MERTK: variants seen among roughly 807,000 people sequenced by gnomAD.
The protein encoded by MERTK is tyrosine-protein kinase Mer.
MERTK carries 69 observed loss-of-function variants against 99.3 expected under a neutral mutation model. The ratio of observed to expected loss-of-function variants is 0.70; its 90% CI spans 0.57 to 0.85. The LOEUF (loss-of-function observed/expected upper bound fraction) is 0.85, where lower values mean the gene tolerates loss of function less well. MERTK is among the 40% of genes least tolerant of loss of function. MERTK has a pLI of 0.00. For missense variants in MERTK, 1,125 were observed against 1,249.4 expected (o/e 0.90, Z 1.50); for synonymous variants, 426 against 467.6 (o/e 0.91, Z 1.15).
rs145515403 is a variant in MERTK, at chr2:111,926,684, G to A, written c.62-2436G>A. 1.0e-3 allele frequency among the ~76,000 whole-genome samples: 159 copies of A among 152,236 alleles called. 1 individual carries two copies. Among genetic ancestry groups the A allele is most frequent in the African/African-American group, 3.4e-3 (140 of 41,542 alleles). On this transcript the variant is annotated intron_variant, in intron 1 of 18. Transcript: ENST00000295408. ...AGAGGTTGCAGAGAACTGAGATTGCGCCACTGCACTCCACTCCAGCCTGGT... is the reference window on the plus strand; with the variant it reads ...AGAGGTTGCAGAGAACTGAGATTGCACCACTGCACTCCACTCCAGCCTGGT...
intron 16 of MERTK, chr2:112,020,497 C>T: frequency 2.2e-6 from 1 of 448,668 alleles, no homozygotes; most frequent in Admixed American, 2.5e-5. Flanking sequence ...CCTTCTCTTC[C>T]TTTTATTCTT....
chr2:111,969,419 G>C lies in MERTK; in HGVS notation c.960+1167G>C, dbSNP rs180852556. Among the ~76,000 whole-genome samples the C allele has an allele frequency of 1.9e-3, 294 of 152,208 alleles. 2 individuals are homozygous for C. The highest frequency in any genetic ancestry group is 7.0e-3 in the African/African-American group (289 of 41,520). On this transcript the variant is annotated intron_variant, in intron 6 of 18. Transcript: ENST00000295408. ...CTAAAAGTATTAATGCATCCTGCCT[G>C]GTACTTAATCATACAGTAGGGTCAG...
intron 18 of MERTK, among the ~76,000 whole-genome samples, chr2:112,026,913 A>G (rs1042579139): frequency 6.6e-6 from 1 of 152,190 alleles, no homozygotes; most frequent in Non-Finnish European, 1.5e-5. Context: ...AATTTATTGC[A>G]TGGGTCAGAT....
intron 18 of MERTK, among the ~76,000 whole-genome samples, chr2:112,025,979 C>T (rs1012358096): frequency 8.5e-5 from 13 of 152,190 alleles, no homozygotes; most frequent in African/African-American, 3.1e-4. Context: ...CAGCCCATGG[C>T]AACCTATATG....
At chr2:112,011,489 T>C (rs1677102989) in intron 15 of MERTK, among the ~76,000 whole-genome samples, 1 of 152,144 alleles carries the variant, frequency 6.6e-6, no homozygotes, top group Non-Finnish European at 1.5e-5. Context: ...CGGTGGCTCA[T>C]GCCTGTAATC....
chr2:111,997,441 G>A lies in MERTK; in HGVS notation c.1569G>A (p.Leu523=). 6.2e-7 allele frequency: 1 copy of A among 1,613,922 alleles called. No individual in the cohort carries two copies. Residue 523 remains leucine, a synonymous_variant, in exon 10 of 19, where the codon TTG becomes TTA. Coordinates refer to ENST00000295408, the MANE Select transcript of MERTK (RefSeq NM_006343.3). ...ILIGLILYIS[L]AIRKRVQETK... ...TTGGGTTGATTTTATACATCTCCTT[G>A]GCCATCAGAAAAAGAGTCCAGGAGA...
At chr2:112,005,739 T>C (rs1255304484) in intron 13 of MERTK, among the ~76,000 whole-genome samples, 5 of 152,230 alleles carry the variant, frequency 3.3e-5, no homozygotes, top group African/African-American at 4.8e-5. Flanking sequence ...TAACCCCTTG[T>C]ACCTATTCAA....
rs1213521173 is a variant in MERTK, at chr2:112,028,742, G to A, written c.2878G>A (p.Glu960Lys). The change falls in exon 19 of 19, where the codon GAG becomes AAG. Residue 960 changes from glutamate (E) to lysine (K), a missense_variant. Coordinates refer to ENST00000295408, the MANE Select transcript of MERTK (RefSeq NM_006343.3). ...TGAAAAGAACAGTGTTTTACCGGGG[G>A]AGAGACTTGTTAGGAATGGGGTCTC... ...TAEKNSVLPG[E>K]RLVRNGVSWS... The A allele has an allele frequency of 6.2e-7, 1 of 1,614,050 alleles. No homozygotes were observed. Among genetic ancestry groups the A allele is most frequent in the African/African-American group, 1.3e-5 (1 of 74,924 alleles).
At chr2:111,909,843 G>T (rs1253842989) in intron 1 of MERTK, among the ~76,000 whole-genome samples, 1 of 151,992 alleles carries the variant, frequency 6.6e-6, no homozygotes, top group East Asian at 1.9e-4. Context: ...GTTCGGTCCG[G>T]GAACACTATG....
At chr2:111,919,070 TCACCTGG>T in intron 1 of MERTK, among the ~76,000 whole-genome samples, 1 of 152,318 alleles carries the variant, frequency 6.6e-6, no homozygotes, top group South Asian at 2.1e-4. Flanking sequence ...TTACACAAGG[TCACCTGG>T]CCTCTACGTG....
At chr2:111,931,523 T>C (rs1029090330) in intron 2 of MERTK, among the ~76,000 whole-genome samples, 1 of 152,022 alleles carries the variant, frequency 6.6e-6, no homozygotes, top group Non-Finnish European at 1.5e-5. Flanking sequence ...CCATCTCTAC[T>C]AAAAATACGA....
intron 15 of MERTK, among the ~76,000 whole-genome samples, chr2:112,010,895 C>CG (rs1411589459): frequency 6.6e-6 from 1 of 152,152 alleles, no homozygotes; most frequent in Non-Finnish European, 1.5e-5. Context: ...AGCGATCCTG[C>CG]GGGGTTCTGG....
intron 1 of MERTK, among the ~76,000 whole-genome samples, chr2:111,914,784 T>A (rs1684319481): frequency 6.6e-6 from 1 of 152,212 alleles, no homozygotes; most frequent in Admixed American, 6.5e-5. Flanking sequence ...TATATATTGG[T>A]GAGTTCTATT....
rs542249578 is a variant in MERTK, at chr2:111,922,727, G to A, written c.62-6393G>A. Among the ~76,000 whole-genome samples the A allele has an allele frequency of 6.6e-5, 10 of 152,330 alleles. No homozygotes were observed. In the South Asian group the frequency reaches 2.1e-3, roughly 32 times the overall value. On this transcript the variant is annotated intron_variant, in intron 1 of 18. Coordinates refer to ENST00000295408, the MANE Select transcript of MERTK (RefSeq NM_006343.3). ...TTCAAAGAAGTTATAGAGCTTTCCT[G>A]AGGCCATACCTTGAGGTGGTGAGGG...
At chr2:112,010,111 T>C (rs370843935) in intron 15 of MERTK, 45 bp downstream of exon 15, 10 of 1,365,182 alleles carry the variant, frequency 7.3e-6, no homozygotes, top group African/African-American at 1.4e-5. Context: ...TCAGGGCTTA[T>C]GTGACTTAGC....
At chr2:111,994,471 A>G in intron 9 of MERTK, 67 bp downstream of exon 9, 3 of 1,592,936 alleles carry the variant, frequency 1.9e-6, no homozygotes, top group Non-Finnish European at 1.7e-6. Flanking sequence ...ATTGCCAGAA[A>G]GTAACCTGGG....
Position 111,957,224 on chromosome 2 carries a change from C to A in MERTK, c.758-7967C>A, listed in dbSNP as rs367887664. Among the ~76,000 whole-genome samples, 6 of 152,230 alleles carry A rather than the reference C, an allele frequency of 3.9e-5. No homozygotes were observed. In the South Asian group the frequency reaches 1.0e-3, roughly 26 times the overall value. ...GTGTGAGCCACTGCGCCCGGCGAGA[C>A]CTGCCTTCTTAAGGTCTATTCTCCA... On this transcript the variant is annotated intron_variant, in intron 4 of 18. Transcript: ENST00000295408.
At position 112,009,928 on chromosome 2, in the gene MERTK, T is replaced by C. The variant is rs1217922085; in HGVS notation, c.1961-20T>C. The C allele has an allele frequency of 6.5e-7, 1 of 1,549,924 alleles. No homozygotes were observed. Among genetic ancestry groups the C allele is most frequent in the Non-Finnish European group, 8.9e-7 (1 of 1,121,972 alleles). ...AGTAACAAGGACTCTTTGTAATTGA[T>C]GCTGTGTTTGTAATTTCAGGTGTGT... On this transcript the variant is annotated intron_variant, in intron 14 of 18. Coordinates refer to ENST00000295408, the MANE Select transcript of MERTK (RefSeq NM_006343.3).
intron 1 of MERTK, among the ~76,000 whole-genome samples, chr2:111,906,386 T>A (rs1315733387): frequency 1.3e-5 from 2 of 152,228 alleles, no homozygotes; most frequent in Non-Finnish European, 2.9e-5. Context: ...ATTTTAAGCC[T>A]TAGGGCCTTG....
Sources: allele counts gnomAD v4.1 joint callset (sites outside exome capture counted in the v4.1 genomes callset), GRCh38; gene constraint gnomAD v4.1.1; transcripts MANE v1.5; gene names NCBI Gene and HGNC (gene_info 2026-07-23, HGNC 2026-07-21).